YIPF1: variants seen among roughly 807,000 people sequenced by gnomAD.
YIPF1 encodes protein YIPF1.
Under a neutral mutation model 37.0 loss-of-function variants are expected in YIPF1, and 22 were observed. The ratio of observed to expected loss-of-function variants is 0.59; its 90% CI spans 0.42 to 0.85. The LOEUF is 0.85. YIPF1 is among the 40% of genes least tolerant of loss of function. The pLI, the probability that YIPF1 is intolerant of heterozygous loss-of-function variation, is 0.00. For missense variants in YIPF1, 355 were observed against 373.1 expected (o/e 0.95, Z 0.40); for synonymous variants, 128 against 131.9 (o/e 0.97, Z 0.21).
In YIPF1 at chr1:53,860,055, C is replaced by T. The variant is rs1649824388; in HGVS notation, c.*8+1G>A. On this transcript the variant is annotated splice_donor_variant, in intron 10 of 10. Coordinates refer to ENST00000072644, the MANE Select transcript of YIPF1 (RefSeq NM_018982.5). LOFTEE classifies it low-confidence loss of function (3UTR_SPLICE). ...AGCAAAATAAAAATAGAATCTCTTA[C>T]TTTCCTCATTAGCTGGACTTGGCTG... 6.2e-7 allele frequency: 1 copy of T among 1,613,848 alleles called. No homozygotes were observed. Among genetic ancestry groups the T allele is most frequent in the Non-Finnish European group, 8.5e-7 (1 of 1,179,790 alleles).
chr1:53,877,289 C>T (rs1650359002), intron 6 of YIPF1, among the ~76,000 whole-genome samples: 1 of 152,180 alleles, frequency 6.6e-6, no homozygotes, highest in Admixed American at 6.5e-5. Context: ...TCACACCAGG[C>T]TCCCTAGAGT....
chr1:53,873,949 G>A (rs556625130), intron 6 of YIPF1, among the ~76,000 whole-genome samples: 7 of 152,236 alleles, frequency 4.6e-5, no homozygotes, highest in Admixed American at 3.3e-4. Context: ...ACTCTGGCAC[G>A]GGAACAGCTG....
intron 10 of YIPF1, among the ~76,000 whole-genome samples, chr1:53,854,441 A>G (rs1434376457): frequency 2.0e-5 from 3 of 152,082 alleles, no homozygotes; most frequent in Admixed American, 6.5e-5. Flanking sequence ...GATTGCCTCT[A>G]CCACCTCTTG....
chr1:53,866,425 A>C (rs1172821744), intron 8 of YIPF1, 43 bp from the exon 9 acceptor site: 11 of 1,594,100 alleles, frequency 6.9e-6, no homozygotes, highest in Non-Finnish European at 9.4e-6. Flanking sequence ...CTTGGGAGGC[A>C]TTTGTTCATT....
intron 3 of YIPF1, among the ~76,000 whole-genome samples, chr1:53,885,591 C>T (rs1175333078): frequency 2.6e-5 from 4 of 152,040 alleles, no homozygotes; most frequent in African/African-American, 7.2e-5. Context: ...GAGGCTGAGG[C>T]GAGCAGATCA....
chr1:53,871,509 T>C (rs367971939), intron 6 of YIPF1, 21 bp from the exon 7 acceptor site: 3 of 1,578,982 alleles, frequency 1.9e-6, no homozygotes, highest in Non-Finnish European at 2.6e-6. Context: ...AACCAGAAAA[T>C]TCAGAAACAA....
At chr1:53,864,360 T>G (rs1649964631) in intron 9 of YIPF1, among the ~76,000 whole-genome samples, 1 of 152,252 alleles carries the variant, frequency 6.6e-6, no homozygotes, top group South Asian at 2.1e-4. Context: ...AATAGTGTCA[T>G]TCTGCCATGA....
intron 6 of YIPF1, among the ~76,000 whole-genome samples, chr1:53,876,100 A>G (rs996864123): frequency 6.6e-6 from 1 of 152,196 alleles, no homozygotes; most frequent in African/African-American, 2.4e-5. Flanking sequence ...TATGTTTACT[A>G]AAATAATGAG....
At chr1:53,881,244 CAAAAAAA>C (rs747288925) in intron 4 of YIPF1, among the ~76,000 whole-genome samples, 4 of 96,316 alleles carry the variant, frequency 4.2e-5, no homozygotes, top group Admixed American at 1.3e-4. Flanking sequence ...GACTCCATCT[CAAAAAAA>C]AAAAAAAAAA....
intron 4 of YIPF1, 32 bp from the exon 5 acceptor site, chr1:53,878,754 C>T (rs768031225): frequency 1.1e-5 from 17 of 1,574,470 alleles, no homozygotes; most frequent in Middle Eastern, 1.7e-4. Flanking sequence ...ATAATGAACA[C>T]ATAAGCAATT....
chr1:53,888,529 C>A (rs779832087), intron 3 of YIPF1, among the ~76,000 whole-genome samples: 1 of 152,180 alleles, frequency 6.6e-6, no homozygotes, highest in Non-Finnish European at 1.5e-5. Context: ...TCCTAATGAT[C>A]TTTTTACATT....
chr1:53,879,099 C>T (rs1232996432), intron 4 of YIPF1, among the ~76,000 whole-genome samples: 1 of 130,182 alleles, frequency 7.7e-6, no homozygotes, highest in African/African-American at 2.9e-5. Context: ...AATATCTTTT[C>T]GCTTTTTTTT....
rs751096127 is a variant in YIPF1 at position 53,866,331 on chromosome 1, C to A, written c.700G>T (p.Ala234Ser). ...KAVRWILVMI[A>S]LGISGSLLAM... ...AAGAGAGATCCTGAGATGCCCAGGG[C>A]AATCATGACTAGAATCCAACGAACA... The change falls in exon 9 of 11, where the codon GCC (alanine) becomes TCC (serine). Residue 234 changes from alanine to serine, a missense_variant. Ala to Ser is a moderately conservative substitution (Grantham distance 99, BLOSUM62 1). Coordinates refer to ENST00000072644, the MANE Select transcript of YIPF1 (RefSeq NM_018982.5). 3 of 1,614,088 alleles carry A rather than the reference C, an allele frequency of 1.9e-6. No individual in the cohort carries two copies. The Admixed American group carries it at 5.0e-5, about 27-fold the overall frequency.
At chr1:53,884,430 A>G (rs1011758998) in intron 3 of YIPF1, among the ~76,000 whole-genome samples, 2 of 152,198 alleles carry the variant, frequency 1.3e-5, no homozygotes, top group South Asian at 2.1e-4. Flanking sequence ...ACATGATACT[A>G]TAATTAATTT....
At chr1:53,864,748 C>G (rs1649973407) in intron 9 of YIPF1, among the ~76,000 whole-genome samples, 2 of 152,040 alleles carry the variant, frequency 1.3e-5, no homozygotes. Context: ...CTTGTTAAGG[C>G]CGTGGGCAGC....
chr1:53,865,479 G>A (rs12021519), intron 9 of YIPF1, among the ~76,000 whole-genome samples: 5,005 of 152,260 alleles, frequency 0.033, 139 homozygotes, highest in East Asian at 0.12. Context: ...TAGGTATTAT[G>A]AGTAATCTGG....
intron 10 of YIPF1, chr1:53,855,117 A>G (rs1453031449): frequency 1.3e-5 from 2 of 151,072 alleles, no homozygotes; most frequent in Admixed American, 6.6e-5. Context: ...TGACAATGTG[A>G]GCGAGTGACA....
At chr1:53,881,715 G>A (rs1650506581) in intron 4 of YIPF1, among the ~76,000 whole-genome samples, 1 of 152,218 alleles carries the variant, frequency 6.6e-6, no homozygotes, top group South Asian at 2.1e-4. Flanking sequence ...AACAACAGAT[G>A]CTAGTGAAGT....
At chr1:53,884,632 T>A (rs1373307948) in intron 3 of YIPF1, among the ~76,000 whole-genome samples, 2 of 152,208 alleles carry the variant, frequency 1.3e-5, no homozygotes, top group African/African-American at 4.8e-5. Flanking sequence ...TGAACACCTA[T>A]CAGTGTGATC....
Sources: allele counts gnomAD v4.1 joint callset (sites outside exome capture counted in the v4.1 genomes callset), GRCh38; gene constraint gnomAD v4.1.1; transcripts MANE v1.5; gene names NCBI Gene and HGNC (gene_info 2026-07-23, HGNC 2026-07-21).